The following AGMO variants were observed in gnomAD, a reference collection of about 807,000 sequenced individuals.
AGMO encodes alkylglycerol monooxygenase.
A neutral mutation model predicts 60.2 loss-of-function variants in AGMO; 75 were observed. The observed-to-expected ratio is 1.25, with a 90% CI of 1.03 to 1.51. The LOEUF is 1.51. Ranked by LOEUF, AGMO falls within the 40% of genes most tolerant of loss-of-function variation. The pLI is 0.00. For missense variants in AGMO, 763 were observed against 525.5 expected, an observed-to-expected ratio of 1.45 and a Z score of -4.42; for synonymous variants, 261 against 177.1, an observed-to-expected ratio of 1.47 and a Z score of -3.76.
chr7:15,366,111 A>T, intron 11 of AGMO, 29 bp downstream of exon 11: 1 of 1,549,732 alleles, frequency 6.5e-7, no homozygotes, highest in Non-Finnish European at 8.8e-7. Context: ...GAGTAAAAGT[A>T]AAAACAATGC....
intron 12 of AGMO, among the ~76,000 whole-genome samples, chr7:15,226,850 T>C (rs1194094387): frequency 1.3e-5 from 2 of 151,940 alleles, no homozygotes; most frequent in African/African-American, 2.4e-5. Flanking sequence ...TCATGAAAAA[T>C]AGTCTGGCAG....
the AGMO span, among the ~76,000 whole-genome samples, chr7:15,141,520 C>A: frequency 9.9e-5 from 15 of 152,154 alleles, no homozygotes; most frequent in South Asian, 8.3e-4. Context: ...CGGGAGGCAG[C>A]GGTTGCAGTG....
intron 4 of AGMO, among the ~76,000 whole-genome samples, chr7:15,427,344 G>A (rs551144516): frequency 2.6e-5 from 4 of 152,118 alleles, no homozygotes; most frequent in Middle Eastern, 3.4e-3. Flanking sequence ...TCAAAGTGTC[G>A]TCCTGTATCC....
the AGMO span, among the ~76,000 whole-genome samples, chr7:15,156,844 T>C: frequency 7.9e-5 from 12 of 152,310 alleles, no homozygotes; most frequent in African/African-American, 2.9e-4. Flanking sequence ...CTTAGCTCCA[T>C]CTAGTCAGCC....
intron 4 of AGMO, among the ~76,000 whole-genome samples, chr7:15,421,752 T>C (rs949427767): frequency 6.6e-6 from 1 of 151,968 alleles, no homozygotes; most frequent in African/African-American, 2.4e-5. Context: ...GAGTAAGATT[T>C]TGGAAATGTC....
chr7:15,540,998 T>C (rs959263819), intron 3 of AGMO, among the ~76,000 whole-genome samples: 1 of 152,224 alleles, frequency 6.6e-6, no homozygotes, highest in Admixed American at 6.5e-5. Context: ...CAAGCAGTAA[T>C]TATCAGCTTT....
downstream of AGMO, among the ~76,000 whole-genome samples, chr7:15,198,236 A>AGAGAGAGAGAGAGAGAGAGAGAGG (rs1781178421): frequency 8.6e-6 from 1 of 115,772 alleles, no homozygotes; most frequent in Non-Finnish European, 1.7e-5. Flanking sequence ...AGAGAGAGAG[A>AGAGAGAGAGAGAGAGAGAGAGAGG]GAGAGAGAGA....
intron 12 of AGMO, among the ~76,000 whole-genome samples, chr7:15,265,584 T>C (rs61223987): frequency 0.02 from 2,977 of 152,006 alleles, 102 homozygotes; most frequent in African/African-American, 0.066. Context: ...TGAGATTCTA[T>C]CTCACACCCA....
intron 12 of AGMO, among the ~76,000 whole-genome samples, chr7:15,226,872 A>G (rs891686112): frequency 2.0e-5 from 3 of 152,120 alleles, no homozygotes; most frequent in African/African-American, 4.8e-5. Context: ...AAACGTCATT[A>G]TAAAATCAGT....
chr7:15,311,499 T>G (rs1386136197), intron 12 of AGMO, among the ~76,000 whole-genome samples: 40 of 151,938 alleles, frequency 2.6e-4, no homozygotes, highest in Admixed American at 2.6e-3. Flanking sequence ...AAAAAAAATT[T>G]CAAGAAGCTG....
chr7:15,402,352 CATCT>C (rs1156256277), intron 5 of AGMO, among the ~76,000 whole-genome samples: 4 of 150,436 alleles, frequency 2.7e-5, no homozygotes, highest in East Asian at 3.9e-4. Context: ...TTTATTCTTT[CATCT>C]ATCTATCTGT....
At chr7:15,528,668 A>G (rs1784188647) in intron 3 of AGMO, among the ~76,000 whole-genome samples, 3 of 152,010 alleles carry the variant, frequency 2.0e-5, no homozygotes, top group Admixed American at 2.0e-4. Flanking sequence ...TTATTTTGAG[A>G]CGGAGTTTCA....
At chr7:15,496,878 T>C (rs980704334) in intron 3 of AGMO, among the ~76,000 whole-genome samples, 1 of 152,192 alleles carries the variant, frequency 6.6e-6, no homozygotes, top group Non-Finnish European at 1.5e-5. Context: ...TGAGCAGATT[T>C]CCAACCAGCC....
chr7:15,442,010 G>A (rs1781570931), intron 3 of AGMO, among the ~76,000 whole-genome samples: 1 of 151,898 alleles, frequency 6.6e-6, no homozygotes, highest in Non-Finnish European at 1.5e-5. Context: ...ACCAACTTTA[G>A]AACGTCATAG....
At chr7:15,394,780 T>A (rs1784303376) in intron 5 of AGMO, among the ~76,000 whole-genome samples, 1 of 152,166 alleles carries the variant, frequency 6.6e-6, no homozygotes, top group African/African-American at 2.4e-5. Context: ...ATTAGGGTGA[T>A]CCTACTTATT....
intron 12 of AGMO, among the ~76,000 whole-genome samples, chr7:15,230,808 G>A (rs541641118): frequency 6.6e-5 from 10 of 152,096 alleles, no homozygotes; most frequent in Admixed American, 5.2e-4. Flanking sequence ...GAAACTCCTA[G>A]AGCCTTTTGT....
At chr7:15,161,443 CA>C in the AGMO span, among the ~76,000 whole-genome samples, 1 of 151,694 alleles carries the variant, frequency 6.6e-6, no homozygotes, top group Non-Finnish European at 1.5e-5. Context: ...TGTATATACA[CA>C]GACACACACA....
intron 12 of AGMO, among the ~76,000 whole-genome samples, chr7:15,300,458 C>A (rs918068171): frequency 6.6e-6 from 1 of 151,994 alleles, no homozygotes. Flanking sequence ...AAGCCTTGAA[C>A]AAGTGGCTGA....
At chr7:15,328,689 G>A (rs554276205) in intron 12 of AGMO, among the ~76,000 whole-genome samples, 1 of 152,204 alleles carries the variant, frequency 6.6e-6, no homozygotes, top group South Asian at 2.1e-4. Context: ...TATTTCTTTT[G>A]AATGTGAAAT....
Sources: allele counts gnomAD v4.1 joint callset (sites outside exome capture counted in the v4.1 genomes callset), GRCh38; gene constraint gnomAD v4.1.1; transcripts MANE v1.5; gene names NCBI Gene and HGNC (gene_info 2026-07-23, HGNC 2026-07-21).